Variants in EIF4G3 observed in about 807,000 individuals in gnomAD.
EIF4G3 encodes the protein eIF-4-gamma 3.
A neutral mutation model predicts 186.4 loss-of-function variants in EIF4G3; 34 were observed. The observed-to-expected ratio is 0.18, with a 90% confidence interval of 0.14 to 0.24. EIF4G3 has a LOEUF of 0.24. EIF4G3 is among the 10% of genes least tolerant of loss of function. EIF4G3 has a pLI of 1.00. For missense variants in EIF4G3, 1,536 were observed against 1,948.5 expected, an observed-to-expected ratio of 0.79 and a Z score of 3.99; for synonymous variants, 673 against 679.5, an observed-to-expected ratio of 0.99 and a Z score of 0.15.
chr1:20,841,267 T>C (rs2068490695), intron 29 of EIF4G3: 2 of 308,082 alleles, frequency 6.5e-6, no homozygotes, highest in Admixed American at 9.8e-5. Context: ...TTCAAATTTA[T>C]CTAGTAGGTT....
At chr1:20,978,804 C>T (rs761148850) in intron 10 of EIF4G3, among the ~76,000 whole-genome samples, 2 of 151,720 alleles carry the variant, frequency 1.3e-5, no homozygotes, top group African/African-American at 2.4e-5. Context: ...TTTGAAATAG[C>T]AGTTTCCCAA....
At chr1:21,125,545 C>A (rs897862196) in intron 2 of EIF4G3, among the ~76,000 whole-genome samples, 3 of 151,754 alleles carry the variant, frequency 2.0e-5, no homozygotes, top group South Asian at 4.2e-4. Context: ...ACGGTGAAAC[C>A]CTGTCTCTAA....
chr1:20,971,539 T>C (rs916613544), intron 11 of EIF4G3, among the ~76,000 whole-genome samples: 11 of 152,252 alleles, frequency 7.2e-5, no homozygotes, highest in East Asian at 5.8e-4. Context: ...TGTAGTGTCA[T>C]GATACATTGT....
At chr1:21,165,391 A>G (rs1490728955) in intron 2 of EIF4G3, among the ~76,000 whole-genome samples, 2 of 152,228 alleles carry the variant, frequency 1.3e-5, no homozygotes, top group Non-Finnish European at 2.9e-5. Flanking sequence ...GAACGGTCAC[A>G]GCAACATCAT....
intron 2 of EIF4G3, among the ~76,000 whole-genome samples, chr1:21,113,571 C>T (rs969274635): frequency 1.3e-5 from 2 of 152,024 alleles, no homozygotes; most frequent in Non-Finnish European, 2.9e-5. Flanking sequence ...TTTCCATGTG[C>T]TGTTACAGTA....
intron 29 of EIF4G3, among the ~76,000 whole-genome samples, chr1:20,842,406 T>C (rs4654877): frequency 1 from 152,280 of 152,342 alleles, 76,109 homozygotes; most frequent in Non-Finnish European, 1. Context: ...TCACTCTTGT[T>C]GCCCAGGCTG....
At chr1:20,893,093 CTTTTT>C (rs1184859243) in intron 18 of EIF4G3, 25 of 145,562 alleles carry the variant, frequency 1.7e-4, no homozygotes, top group South Asian at 7.4e-4. Flanking sequence ...TTTTTCTTTT[CTTTTT>C]TTTTTTTTTT....
chr1:20,853,587 T>C lies in EIF4G3; in HGVS notation c.3524A>G (p.Glu1175Gly), dbSNP rs1451706538. 1 of 1,613,806 alleles carries C rather than the reference T, an allele frequency of 6.2e-7. No individual in the cohort carries two copies. Residue 1175 changes from glutamate to glycine, a missense_variant, in exon 27 of 37, where the codon GAG becomes GGG. Coordinates refer to ENST00000602326, the MANE Select transcript of EIF4G3 (RefSeq NM_001391906.1). The part of the protein sequence containing the change: ...PSGSTPSTPV[E>G]FDSRRTLTSR... ...AGTTAAGGTCCTTCGGGAATCAAAC[T>C]CTACAGGCGTGGATGGCGTGGACCC...
chr1:20,921,881 T>C (rs1290454241), intron 14 of EIF4G3, among the ~76,000 whole-genome samples: 1 of 152,222 alleles, frequency 6.6e-6, no homozygotes, highest in East Asian at 1.9e-4. Context: ...CATACCTGTA[T>C]CTTTATTTTC....
chr1:21,171,557 T>C (rs71647193), intron 2 of EIF4G3, among the ~76,000 whole-genome samples: 3,131 of 152,304 alleles, frequency 0.021, 62 homozygotes, highest in Non-Finnish European at 0.027. Context: ...CCTCTGCCTC[T>C]GCCCCATGTT....
At chr1:21,151,560 A>G (rs903840362) in intron 2 of EIF4G3, among the ~76,000 whole-genome samples, 10 of 151,918 alleles carry the variant, frequency 6.6e-5, no homozygotes, top group African/African-American at 1.9e-4. Flanking sequence ...TAGTATTTCA[A>G]TACCTATATA....
intron 2 of EIF4G3, among the ~76,000 whole-genome samples, chr1:21,141,377 T>TGTGTGTGTG (rs2097333904): frequency 6.9e-6 from 1 of 145,154 alleles, no homozygotes; most frequent in African/African-American, 2.5e-5. Context: ...TATTTTTTCT[T>TGTGTGTGTG]TGTGTGTGTG....
chr1:20,826,217 A>G (rs760544134), intron 32 of EIF4G3, among the ~76,000 whole-genome samples: 46 of 152,134 alleles, frequency 3.0e-4, no homozygotes, highest in Non-Finnish European at 5.9e-4. Flanking sequence ...CTCAGGTTGA[A>G]ATGCAGTGGC....
At chr1:20,893,982 TAAA>T (rs1044284302) in intron 17 of EIF4G3, among the ~76,000 whole-genome samples, 1 of 150,066 alleles carries the variant, frequency 6.7e-6, no homozygotes, top group Admixed American at 6.7e-5. Context: ...ATTTTAGAAT[TAAA>T]AAAAAATATT....
At chr1:20,965,803 C>T (rs2074522997) in intron 12 of EIF4G3, among the ~76,000 whole-genome samples, 1 of 151,298 alleles carries the variant, frequency 6.6e-6, no homozygotes, top group Non-Finnish European at 1.5e-5. Flanking sequence ...TCATTGCGCA[C>T]CAGGCACTGA....
At chr1:20,842,168 G>T (rs1412353555) in intron 29 of EIF4G3, among the ~76,000 whole-genome samples, 1 of 152,096 alleles carries the variant, frequency 6.6e-6, no homozygotes, top group Admixed American at 6.5e-5. Context: ...AAAAATATTT[G>T]ATATATAGTA....
chr1:20,818,750 A>G (rs1221259627), intron 33 of EIF4G3, among the ~76,000 whole-genome samples: 1 of 152,204 alleles, frequency 6.6e-6, no homozygotes. Flanking sequence ...TACAAAAACC[A>G]TAAAGATGAA....
intron 3 of EIF4G3, among the ~76,000 whole-genome samples, chr1:21,077,568 C>T (rs1219547259): frequency 6.7e-6 from 1 of 148,950 alleles, no homozygotes; most frequent in Non-Finnish European, 1.5e-5. Flanking sequence ...GTTAAAGTGG[C>T]TATTATTAAA....
chr1:20,832,641 T>C (rs1472399431), intron 30 of EIF4G3, among the ~76,000 whole-genome samples: 1 of 150,932 alleles, frequency 6.6e-6, no homozygotes, highest in African/African-American at 2.4e-5. Flanking sequence ...AATTTTGTCT[T>C]TTGTTGCCAT....
Sources: gnomAD v4.1 joint callset for allele counts (sites outside exome capture counted in the v4.1 genomes callset) on GRCh38, gnomAD v4.1.1 for gene constraint, MANE v1.5 for transcripts, NCBI Gene and HGNC (gene_info 2026-07-23, HGNC 2026-07-21) for gene names.